SEC24D: variants seen among roughly 807,000 people sequenced by gnomAD.
SEC24D encodes the protein SEC24 homolog D, COPII component, also known as protein transport protein Sec24D.
SEC24D carries 69 observed loss-of-function variants against 116.9 expected under a neutral mutation model. The ratio of observed to expected loss-of-function variants is 0.59; its 90% CI spans 0.49 to 0.72. The LOEUF is 0.72. Among genes scored for constraint, SEC24D ranks in the 30% least tolerant of loss-of-function variants. The pLI, the probability that SEC24D is intolerant of heterozygous loss-of-function variation, is 0.00. For missense variants in SEC24D, 1,131 were observed against 1,264.1 expected (o/e 0.89, Z 1.60); for synonymous variants, 405 against 442.8 (o/e 0.91, Z 1.07).
intron 7 of SEC24D, among the ~76,000 whole-genome samples, chr4:118,804,521 C>T (rs1359604284): frequency 1.3e-5 from 2 of 151,306 alleles, no homozygotes; most frequent in African/African-American, 2.4e-5. Context: ...GATATTAAAA[C>T]ACTTATATAA....
Position 118,723,457 on chromosome 4 carries a change from G to C in SEC24D, c.*58C>G, listed in dbSNP as rs1725245581. On this transcript the variant is annotated 3_prime_UTR_variant, in exon 23 of 23. Transcript: ENST00000280551. ...AGCCTATTATCATCTAGAAAATTAGGCACCAAGAAGGAGATTATCTCCTTG... is the reference window on the plus strand; with the variant it reads ...AGCCTATTATCATCTAGAAAATTAGCCACCAAGAAGGAGATTATCTCCTTG... The C allele has an allele frequency of 6.6e-7, 1 of 1,509,110 alleles. No homozygotes were observed. Among genetic ancestry groups the C allele is most frequent in the East Asian group, 2.3e-5 (1 of 43,700 alleles). The allele number at this position is 1,509,110 out of a possible 1,614,324, so 93.5% of individuals were successfully genotyped here.
intron 2 of SEC24D, chr4:118,825,424 T>G: frequency 5.3e-6 from 2 of 377,554 alleles, no homozygotes; most frequent in South Asian, 4.0e-5. Flanking sequence ...TATTAGCAGC[T>G]CTTCTCAAAT....
rs180781594 is a variant in SEC24D, at chr4:118,736,692, T to A, written c.2496+1569A>T. 2.2e-3 allele frequency: 360 copies of A among 166,202 alleles called. 2 individuals carry two copies. The highest frequency in any genetic ancestry group is 8.1e-3 in the African/African-American group (336 of 41,712). 10.3% of individuals were successfully genotyped at this position (166,202 alleles called of 1,614,324 possible). A position where few individuals can be genotyped will look rare whatever the true frequency, so the allele number is the denominator to read the frequency against. On this transcript the variant is annotated intron_variant, in intron 19 of 22. Transcript: ENST00000280551. ...ATTTTCTAGACTCCATGATGGTTAA[T>A]CATAAGGTACTTAAGTTACATTATT...
At chr4:118,760,617 A>G (rs962686699) in intron 10 of SEC24D, 1 of 152,190 alleles carries the variant, frequency 6.6e-6, no homozygotes, top group Non-Finnish European at 1.5e-5. Flanking sequence ...GCTGCTATGA[A>G]CAAGGATATG....
chr4:118,759,635 G>A (rs1196229477), intron 10 of SEC24D, among the ~76,000 whole-genome samples: 3 of 152,080 alleles, frequency 2.0e-5, no homozygotes, highest in East Asian at 3.8e-4. Flanking sequence ...TGCAACTTCA[G>A]GCACACCAGA....
At chr4:118,769,520 A>C (rs1727799727) in intron 8 of SEC24D, among the ~76,000 whole-genome samples, 2 of 152,036 alleles carry the variant, frequency 1.3e-5, no homozygotes, top group African/African-American at 4.8e-5. Context: ...CCTGAAGAGC[A>C]GGAGGTCAGT....
In SEC24D at chr4:118,731,119, G is replaced by C. The variant is rs558161731; in HGVS notation, c.2868+197C>G. The C allele has an allele frequency of 1.1e-5, 6 of 567,960 alleles. No homozygotes were observed. In the African/African-American group the frequency reaches 1.1e-4, roughly 11 times the overall value. The allele number at this position is 567,960 out of a possible 1,614,324, so 35.2% of individuals were successfully genotyped here. ...TTTTCTATTAAAGTCACATATTTTA[G>C]TTGTTTGAAAGTACTCTATACAAAT... On this transcript the variant is annotated intron_variant, in intron 21 of 22. Coordinates refer to ENST00000280551, the MANE Select transcript of SEC24D (RefSeq NM_014822.4).
At chr4:118,740,102 T>C (rs1397040534) in intron 17 of SEC24D, among the ~76,000 whole-genome samples, 2 of 152,142 alleles carry the variant, frequency 1.3e-5, no homozygotes, top group African/African-American at 4.8e-5. Flanking sequence ...GGTGTCCTTA[T>C]AAGAGGAAAA....
At chr4:118,738,631 G>A (rs773213856) in intron 18 of SEC24D, among the ~76,000 whole-genome samples, 29 of 152,044 alleles carry the variant, frequency 1.9e-4, no homozygotes, top group Non-Finnish European at 4.3e-4. Flanking sequence ...TATTAGAATT[G>A]TACACACAGA....
At chr4:118,813,433 C>G in intron 6 of SEC24D, among the ~76,000 whole-genome samples, 1 of 152,196 alleles carries the variant, frequency 6.6e-6, no homozygotes, top group East Asian at 1.9e-4. Flanking sequence ...GTTGAGGGGC[C>G]ACATGTGGTG....
chr4:118,749,296 CAT>C (rs983698769), intron 13 of SEC24D, among the ~76,000 whole-genome samples: 16 of 152,292 alleles, frequency 1.1e-4, no homozygotes, highest in African/African-American at 3.6e-4. Context: ...CAAAAGGACG[CAT>C]AAGAACTTTC....
At chr4:118,750,618 C>G (rs1482849913) in intron 13 of SEC24D, among the ~76,000 whole-genome samples, 1 of 152,066 alleles carries the variant, frequency 6.6e-6, no homozygotes, top group Non-Finnish European at 1.5e-5. Flanking sequence ...TTATTGTGTA[C>G]AGGAACATTT....
At chr4:118,731,843 A>C (rs1725699813) in intron 20 of SEC24D, among the ~76,000 whole-genome samples, 1 of 152,172 alleles carries the variant, frequency 6.6e-6, no homozygotes, top group African/African-American at 2.4e-5. Context: ...GGAGCCCACA[A>C]ACTTTTAAGA....
Position 118,817,322 on chromosome 4 carries a change from G to A in SEC24D, c.339C>T (p.Ser113=). The change falls in exon 4 of 23, where the codon TCC becomes TCT. Residue 113 remains serine, a synonymous_variant. Coordinates refer to ENST00000280551, the MANE Select transcript of SEC24D (RefSeq NM_014822.4). ...TGCCCAGCTGGGTGACAGATGAAGT[G>A]GATATAGGACCTGGATAAGAAGATT... ...SAQSSYPGPI[S]TSSVTQLGSQ... 6.2e-7 allele frequency: 1 copy of A among 1,613,678 alleles called. No individual in the cohort carries two copies. The highest frequency in any genetic ancestry group is 1.1e-5 in the South Asian group (1 of 91,052).
At chr4:118,828,794 TC>T (rs1730701173) in intron 2 of SEC24D, among the ~76,000 whole-genome samples, 1 of 152,214 alleles carries the variant, frequency 6.6e-6, no homozygotes, top group Non-Finnish European at 1.5e-5. Context: ...CTAAATCACT[TC>T]AGTGGTACTC....
intron 15 of SEC24D, among the ~76,000 whole-genome samples, chr4:118,743,787 T>C (rs550431564): frequency 6.6e-6 from 1 of 152,310 alleles, no homozygotes; most frequent in African/African-American, 2.4e-5. Flanking sequence ...GTTCTGAGTA[T>C]TTTTGATCCG....
At chr4:118,760,874 ATTTTTT>A (rs35735465) in intron 10 of SEC24D, among the ~76,000 whole-genome samples, 1 of 148,454 alleles carries the variant, frequency 6.7e-6, no homozygotes. Context: ...ATGCCAGCTA[ATTTTTT>A]TTTTTTATTT....
intron 7 of SEC24D, among the ~76,000 whole-genome samples, chr4:118,802,968 T>C (rs1185429571): frequency 6.6e-6 from 1 of 152,218 alleles, no homozygotes; most frequent in Non-Finnish European, 1.5e-5. Context: ...GAAAATATTA[T>C]ACTAAGTAAA....
chr4:118,764,733 T>C, intron 10 of SEC24D, 69 bp downstream of exon 10: 2 of 909,258 alleles, frequency 2.2e-6, no homozygotes, highest in South Asian at 1.4e-5. Flanking sequence ...GTCAGTTCTT[T>C]ACATATGAAA....
Sources: allele counts gnomAD v4.1 joint callset (sites outside exome capture counted in the v4.1 genomes callset), GRCh38; gene constraint gnomAD v4.1.1; transcripts MANE v1.5; gene names NCBI Gene and HGNC (gene_info 2026-07-23, HGNC 2026-07-21).